STK31: variants seen among roughly 807,000 people sequenced by gnomAD.
STK31 encodes serine/threonine kinase 31, also known as serine/threonine-protein kinase 31.
A neutral mutation model predicts 129.7 loss-of-function variants in STK31; 89 were observed. The ratio of observed to expected loss-of-function variants is 0.69; its 90% CI spans 0.58 to 0.82. STK31 has a LOEUF of 0.82. STK31 is among the 40% of genes least tolerant of loss of function. STK31 has a pLI of 0.00. For synonymous variants in STK31, 448 were observed against 395.3 expected, an observed-to-expected ratio of 1.13 and a Z score of -1.58; for missense variants, 1,187 against 1,176.4, an observed-to-expected ratio of 1.01 and a Z score of -0.13.
chr7:23,760,780 T>C (rs1789414780), intron 10 of STK31, among the ~76,000 whole-genome samples: 3 of 147,894 alleles, frequency 2.0e-5, no homozygotes, highest in South Asian at 2.2e-4. Flanking sequence ...CACTTCAGCT[T>C]CCCAAGTAGC....
chr7:23,812,547 G>A (rs1437631061), intron 22 of STK31, among the ~76,000 whole-genome samples: 1 of 151,264 alleles, frequency 6.6e-6, no homozygotes, highest in African/African-American at 2.4e-5. Flanking sequence ...GATTTAGGGA[G>A]AACAAGTGCA....
chr7:23,767,839 A>G (rs887410263), intron 11 of STK31, among the ~76,000 whole-genome samples: 4 of 152,102 alleles, frequency 2.6e-5, no homozygotes. Flanking sequence ...TTGTTAATTC[A>G]ATGCTAAACA....
chr7:23,771,013 T>G lies in STK31; in HGVS notation c.1722T>G (p.Gly574=). The part of the protein sequence containing the change: ...KELEIALVDQ[G]DADKEIISNT... Reference sequence around the variant, plus strand: ...TGTGTGATTTCATTTAGGATCAAGGTGATGCAGACAAGGAGATAATTTCAA... The same window carrying G: ...TGTGTGATTTCATTTAGGATCAAGGGGATGCAGACAAGGAGATAATTTCAA... Residue 574 remains glycine (G), a synonymous_variant, in exon 14 of 24, where the codon GGT becomes GGG. Coordinates refer to ENST00000355870, the MANE Select transcript of STK31 (RefSeq NM_031414.5). 1 of 1,610,160 alleles carries G rather than the reference T, an allele frequency of 6.2e-7. No homozygotes were observed. The highest frequency in any genetic ancestry group is 1.1e-5 in the South Asian group (1 of 90,242).
chr7:23,714,420 C>T (rs1014122598), intron 3 of STK31, among the ~76,000 whole-genome samples: 1 of 152,150 alleles, frequency 6.6e-6, no homozygotes, highest in African/African-American at 2.4e-5. Context: ...TAGACTAGTG[C>T]TGTCTAGTAG....
intron 8 of STK31, among the ~76,000 whole-genome samples, chr7:23,739,339 T>C (rs958334419): frequency 2.0e-5 from 3 of 152,188 alleles, no homozygotes; most frequent in Non-Finnish European, 2.9e-5. Context: ...TTCTTATAAA[T>C]TTATTTTAAG....
At chr7:23,727,351 AGAAATATTTATT>A in intron 5 of STK31, 36 bp downstream of exon 5, 1 of 1,593,692 alleles carries the variant, frequency 6.3e-7, no homozygotes, top group East Asian at 2.2e-5. Context: ...TTTTGCTTTA[AGAAATATTTATT>A]GTGGTTCAAA....
At chr7:23,779,867 C>T (rs1435380459) in intron 15 of STK31, among the ~76,000 whole-genome samples, 3 of 152,130 alleles carry the variant, frequency 2.0e-5, no homozygotes, top group Non-Finnish European at 4.4e-5. Context: ...GCTGGCATTC[C>T]AGGTGCAAGG....
chr7:23,740,482 C>T (rs1787993547), intron 8 of STK31, among the ~76,000 whole-genome samples: 1 of 152,080 alleles, frequency 6.6e-6, no homozygotes, highest in African/African-American at 2.4e-5. Context: ...TCATCAGGTG[C>T]TGTATTTCTT....
intron 11 of STK31, among the ~76,000 whole-genome samples, chr7:23,765,354 C>T (rs1221111572): frequency 6.6e-6 from 1 of 152,058 alleles, no homozygotes; most frequent in Non-Finnish European, 1.5e-5. Context: ...CACCTGGCTT[C>T]TCCCTTTATT....
intron 23 of STK31, among the ~76,000 whole-genome samples, chr7:23,817,479 GGGAAT>G (rs547339024): frequency 6.6e-6 from 1 of 152,170 alleles, no homozygotes; most frequent in Non-Finnish European, 1.5e-5. Flanking sequence ...TATTAGTGCT[GGGAAT>G]GGAATTACCT....
chr7:23,808,943 T>TTGTGTGTGTGTGTG (rs1554297249), intron 22 of STK31, among the ~76,000 whole-genome samples: 1,506 of 84,492 alleles, frequency 0.018, 35 homozygotes, highest in African/African-American at 0.048. Context: ...CTTGGAGCTT[T>TTGTGTGTGTGTGTG]TGTGTGTGTG....
At chr7:23,717,892 A>G (rs1451722657) in intron 4 of STK31, among the ~76,000 whole-genome samples, 2 of 152,176 alleles carry the variant, frequency 1.3e-5, no homozygotes, top group Non-Finnish European at 2.9e-5. Flanking sequence ...AAAATCATAG[A>G]GACAGAAAAA....
At chr7:23,793,533 A>G (rs1351057403) in intron 22 of STK31, among the ~76,000 whole-genome samples, 1 of 152,230 alleles carries the variant, frequency 6.6e-6, no homozygotes, top group African/African-American at 2.4e-5. Flanking sequence ...AGCTCCTACA[A>G]TCAATACTAA....
In STK31 at chr7:23,769,736, G is replaced by C; in HGVS notation, c.1693G>C (p.Glu565Gln). ...GAAGACTGAGTCAAGTGTCTGCAAAGAGCTGGAGATAGCTCTGGTTGTGAG... is the reference window on the plus strand; with the variant it reads ...GAAGACTGAGTCAAGTGTCTGCAAACAGCTGGAGATAGCTCTGGTTGTGAG... The part of the protein sequence containing the change: ...LEKTESSVCK[E>Q]LEIALVDQGD... Residue 565 changes from glutamate (E) to glutamine (Q), a missense_variant, in exon 13 of 24, where the codon GAG becomes CAG. Glu to Gln is a conservative substitution (Grantham distance 29). Transcript: ENST00000355870. The C allele has an allele frequency of 6.2e-7, 1 of 1,608,668 alleles. No individual in the cohort carries two copies. The highest frequency in any genetic ancestry group is 8.5e-7 in the Non-Finnish European group (1 of 1,176,454).
chr7:23,794,042 ACTC>A (rs1455972421), intron 22 of STK31, among the ~76,000 whole-genome samples: 2 of 152,202 alleles, frequency 1.3e-5, no homozygotes, highest in Non-Finnish European at 2.9e-5. Flanking sequence ...TTGGAATACT[ACTC>A]AGGAATAAAA....
At chr7:23,781,620 G>A in intron 16 of STK31, 100 bp downstream of exon 16, 1 of 764,636 alleles carries the variant, frequency 1.3e-6, no homozygotes, top group Non-Finnish European at 2.1e-6. Context: ...AAGGCTAGAG[G>A]TATTATATAG....
intron 4 of STK31, among the ~76,000 whole-genome samples, chr7:23,719,669 C>A (rs996630852): frequency 1.3e-4 from 20 of 152,002 alleles, no homozygotes; most frequent in Admixed American, 9.2e-4. Context: ...ATTCTACCAC[C>A]CCACCCACTG....
chr7:23,717,390 T>C, intron 3 of STK31, 91 bp from the exon 4 acceptor site: 1 of 696,986 alleles, frequency 1.4e-6, no homozygotes, highest in African/African-American at 2.2e-5. Flanking sequence ...TGGCCTAAAA[T>C]CTTTTAAGTT....
At chr7:23,770,814 G>C (rs1330063368) in intron 13 of STK31, among the ~76,000 whole-genome samples, 191 bp from the exon 14 acceptor site, 1 of 152,050 alleles carries the variant, frequency 6.6e-6, no homozygotes, top group Non-Finnish European at 1.5e-5. Context: ...TATGTTGCCT[G>C]GCTGCCATAT....
Sources: allele counts gnomAD v4.1 joint callset (sites outside exome capture counted in the v4.1 genomes callset), GRCh38; gene constraint gnomAD v4.1.1; transcripts MANE v1.5; gene names NCBI Gene and HGNC (gene_info 2026-07-23, HGNC 2026-07-21).